Variants in FBLN2 observed in about 807,000 individuals in gnomAD.
FBLN2 encodes fibulin 2, also known as fibulin-2.
A neutral mutation model predicts 123.7 loss-of-function variants in FBLN2; 81 were observed. The observed-to-expected ratio is 0.65, with a 90% CI of 0.55 to 0.79. The LOEUF (loss-of-function observed/expected upper bound fraction) is 0.79. Ranked by LOEUF, FBLN2 falls within the 30% of genes least tolerant of loss-of-function variation. The probability of loss-of-function intolerance (pLI) is 0.00; values close to 1 mark genes in which losing one functional copy is unlikely to be tolerated. For synonymous variants in FBLN2, 699 were observed against 701.4 expected (o/e 1.00, Z 0.05); for missense variants, 1,603 against 1,681.3 (o/e 0.95, Z 0.81).
intron 4 of FBLN2, among the ~76,000 whole-genome samples, chr3:13,611,738 G>T (rs571730929): frequency 3.8e-4 from 58 of 152,204 alleles, no homozygotes; most frequent in Non-Finnish European, 6.3e-4. Context: ...ATGCTGCTGT[G>T]AACATGAGCA....
At chr3:13,628,091 C>T (rs1706112934) in intron 11 of FBLN2, 122 bp downstream of exon 11, 3 of 1,278,032 alleles carry the variant, frequency 2.3e-6, no homozygotes, top group South Asian at 3.0e-5. Context: ...TCTCCCAGCC[C>T]CCTTGTCCCT....
chr3:13,609,412 G>A, intron 3 of FBLN2, 101 bp from the exon 4 acceptor site: 1 of 1,360,178 alleles, frequency 7.4e-7, no homozygotes, highest in Admixed American at 2.9e-5. Flanking sequence ...CTCCCTTGCT[G>A]TGGACCTTGG....
Position 13,570,846 on chromosome 3 carries a change from A to G in FBLN2, c.491A>G (p.Asp164Gly), listed in dbSNP as rs1703916424. Residue 164 changes from aspartate to glycine, a missense_variant, in exon 2 of 18, where the codon GAC (aspartate) becomes GGC (glycine). Asp to Gly is a moderately conservative substitution (Grantham distance 94). Transcript: ENST00000404922. ...CCCTGCCGGGCCTGCCACTGCCCTG[A>G]CGCCGGTGGAGAGCTCATCTGCTAC... ...LPPCRACHCP[D>G]AGGELICYQL... 1.2e-6 allele frequency: 2 copies of G among 1,608,906 alleles called. No individual in the cohort carries two copies. The highest frequency in any genetic ancestry group is 1.7e-6 in the Non-Finnish European group (2 of 1,178,230).
At chr3:13,559,227 A>C (rs923872777) in intron 1 of FBLN2, among the ~76,000 whole-genome samples, 7 of 143,780 alleles carry the variant, frequency 4.9e-5, no homozygotes, top group Admixed American at 3.6e-4. Flanking sequence ...AAGGGACAGA[A>C]AACCTGGTCC....
In FBLN2 at chr3:13,549,177, G is replaced by T. The variant is rs1238858132; in HGVS notation, c.-73G>T. ...TCGACGCGCCGACGGCCGGGCGGAC[G>T]GACGGACGGACGCCGAGCGCAGTGC... On this transcript the variant is annotated 5_prime_UTR_variant, in exon 1 of 18. Coordinates refer to ENST00000404922, the MANE Select transcript of FBLN2 (RefSeq NM_001004019.2). 2.0e-6 allele frequency: 2 copies of T among 983,012 alleles called. No homozygotes were observed. The highest frequency in any genetic ancestry group is 2.4e-6 in the Non-Finnish European group (2 of 829,050). The allele number at this position is 983,012 out of a possible 1,614,324, so 60.9% of individuals were successfully genotyped here.
At chr3:13,633,447 T>G (rs1037348562) in intron 16 of FBLN2, among the ~76,000 whole-genome samples, 4 of 152,266 alleles carry the variant, frequency 2.6e-5, no homozygotes, top group South Asian at 2.1e-4. Flanking sequence ...CTCCAGACCT[T>G]CCTTCTGGAA....
chr3:13,575,938 G>C (rs1167083774), intron 2 of FBLN2, among the ~76,000 whole-genome samples: 1 of 152,148 alleles, frequency 6.6e-6, no homozygotes, highest in Non-Finnish European at 1.5e-5. Flanking sequence ...TAGGGAGATG[G>C]AGCCTACCTC....
In FBLN2 at chr3:13,631,476, A is replaced by G; in HGVS notation, c.3214+19A>G. The G allele has an allele frequency of 6.4e-7, 1 of 1,566,998 alleles. No homozygotes were observed. Among genetic ancestry groups the G allele is most frequent in the African/African-American group, 1.4e-5 (1 of 73,872 alleles). On this transcript the variant is annotated intron_variant, in intron 16 of 17. Transcript: ENST00000404922. Reference sequence around the variant, plus strand: ...TGCAAGGGTGAGCAAGTCCCCCCACACGCCCCCGCCTCCATCAGGGCCTTG... The same window carrying G: ...TGCAAGGGTGAGCAAGTCCCCCCACGCGCCCCCGCCTCCATCAGGGCCTTG...
intron 1 of FBLN2, among the ~76,000 whole-genome samples, chr3:13,550,082 G>T (rs1004729132): frequency 2.6e-5 from 4 of 152,174 alleles, no homozygotes; most frequent in African/African-American, 9.7e-5. Context: ...CACAAACACT[G>T]GGAGTGCCAC....
Position 13,585,145 on chromosome 3 carries a change from G to T in FBLN2, c.1306+13484G>T, listed in dbSNP as rs77040376. 7.8e-3 allele frequency among the ~76,000 whole-genome samples: 1,183 copies of T among 152,294 alleles called. 11 individuals carry two copies. The highest frequency in any genetic ancestry group is 0.027 in the African/African-American group (1,106 of 41,550). ...CTTGCCAGAGGTTGCTTGGCTGGTG[G>T]GGGCATGGCTGGGCTTTGAGTGGAG... is the stretch of plus-strand genomic sequence containing the variant. On this transcript the variant is annotated intron_variant, in intron 2 of 17. Coordinates refer to ENST00000404922, the MANE Select transcript of FBLN2 (RefSeq NM_001004019.2).
chr3:13,612,917 T>C (rs1330967180), intron 4 of FBLN2, among the ~76,000 whole-genome samples: 1 of 152,114 alleles, frequency 6.6e-6, no homozygotes, highest in African/African-American at 2.4e-5. Context: ...ATGCATGAAT[T>C]TGTGGTCAGC....
At chr3:13,561,006 C>T (rs144322910) in intron 1 of FBLN2, among the ~76,000 whole-genome samples, 9 of 152,160 alleles carry the variant, frequency 5.9e-5, no homozygotes, top group African/African-American at 1.4e-4. Flanking sequence ...ACCTAAAAGT[C>T]GGTGTAGGGT....
In FBLN2 at chr3:13,571,232, A is replaced by C. The variant is rs1351727435; in HGVS notation, c.877A>C (p.Thr293Pro). The C allele has an allele frequency of 6.4e-7, 1 of 1,569,490 alleles. No homozygotes were observed. Residue 293 changes from threonine (T) to proline (P), a missense_variant, in exon 2 of 18, where the codon ACT becomes CCT. Transcript: ENST00000404922. ...EEEEREEMAV[T>P]EQLAAGGHRG... Reference sequence around the variant, plus strand: ...GGAGGAGAGAGAGGAAATGGCTGTCACTGAGCAGCTGGCAGCAGGTGGCCA... The same window carrying C: ...GGAGGAGAGAGAGGAAATGGCTGTCCCTGAGCAGCTGGCAGCAGGTGGCCA...
At chr3:13,585,151 T>C (rs937282068) in intron 2 of FBLN2, among the ~76,000 whole-genome samples, 2 of 152,172 alleles carry the variant, frequency 1.3e-5, no homozygotes, top group African/African-American at 2.4e-5. Context: ...GGTGGGGGCA[T>C]GGCTGGGCTT....
At chr3:13,549,785 C>T (rs904273959) in intron 1 of FBLN2, among the ~76,000 whole-genome samples, 2 of 152,082 alleles carry the variant, frequency 1.3e-5, no homozygotes, top group African/African-American at 4.8e-5. Flanking sequence ...CATCCTCCCT[C>T]TCCCAGCCCC....
chr3:13,609,596 C>T lies in FBLN2; in HGVS notation c.1502C>T (p.Thr501Ile). 9 of 1,461,246 alleles carry T rather than the reference C, an allele frequency of 6.2e-6. No homozygotes were observed. Among genetic ancestry groups the T allele is most frequent in the Non-Finnish European group, 7.3e-6 (8 of 1,089,384 alleles). 90.5% of individuals were successfully genotyped at this position (1,461,246 alleles called of 1,614,324 possible). A position where few individuals can be genotyped will look rare whatever the true frequency, so the allele number is the denominator to read the frequency against. The change falls in exon 4 of 18, where the codon ACC becomes ATC. Residue 501 changes from threonine to isoleucine, a missense_variant. Thr to Ile is a moderately conservative substitution (Grantham distance 89). Transcript: ENST00000404922. Reference protein sequence around the residue: ...AGVLGAKEGETCGAEDNDSCG... With the variant: ...AGVLGAKEGEICGAEDNDSCG... Reference sequence around the variant, plus strand: ...GTCCTGGGAGCCAAGGAGGGTGAGACCTGTGGGGCTGAGGACAACGACAGC... The same window carrying T: ...GTCCTGGGAGCCAAGGAGGGTGAGATCTGTGGGGCTGAGGACAACGACAGC...
intron 2 of FBLN2, among the ~76,000 whole-genome samples, chr3:13,602,744 TG>T (rs902566602): frequency 2.0e-5 from 3 of 152,204 alleles, no homozygotes; most frequent in Admixed American, 2.0e-4. Context: ...GTGTTGTTTT[TG>T]TTTTTGGCTA....
intron 1 of FBLN2, among the ~76,000 whole-genome samples, chr3:13,556,726 C>T (rs73146679): frequency 0.011 from 1,733 of 152,330 alleles, 36 homozygotes; most frequent in African/African-American, 0.039. Context: ...GGTTGGGCAT[C>T]AGCACATGAC....
chr3:13,592,810 G>T (rs1474268471), intron 2 of FBLN2, among the ~76,000 whole-genome samples: 1 of 152,022 alleles, frequency 6.6e-6, no homozygotes, highest in Non-Finnish European at 1.5e-5. Context: ...GTTTGCTTTG[G>T]CAACAGTTTA....
Sources: gnomAD v4.1 joint callset for allele counts (sites outside exome capture counted in the v4.1 genomes callset) on GRCh38, gnomAD v4.1.1 for gene constraint, MANE v1.5 for transcripts, NCBI Gene and HGNC (gene_info 2026-07-23, HGNC 2026-07-21) for gene names.